Variants in HAPSTR1 observed in about 807,000 individuals in gnomAD.
The protein encoded by HAPSTR1 is HUWE1-associated protein modifying stress responses 1.
chr16:9,091,935 T>G, the HAPSTR1 span: 1 of 922,112 alleles, frequency 1.1e-6, no homozygotes, highest in Non-Finnish European at 1.5e-6. Flanking sequence ...GAAGGCGCCG[T>G]CGGTCGCCAG....
chr16:9,092,891 G>GGTTTTTTTTTTTTTTTTTT, the HAPSTR1 span: 1 of 1,499,784 alleles, frequency 6.7e-7, no homozygotes, highest in East Asian at 2.3e-5. Flanking sequence ...TTTTCTTTTT[G>GGTTTTTTTTTTTTTTTTTT]GTTTTTTTTT....
chr16:9,107,236 A>G, the HAPSTR1 span: 1 of 152,258 alleles, frequency 6.6e-6, no homozygotes, highest in Non-Finnish European at 1.5e-5. Context: ...CCATTGAGCC[A>G]TTCAGCACAT....
chr16:9,093,027 G>A, the HAPSTR1 span: 6 of 1,594,822 alleles, frequency 3.8e-6, no homozygotes, highest in East Asian at 9.0e-5. Context: ...CTGCATTGCC[G>A]ATTCAGGGAA....
the HAPSTR1 span, chr16:9,103,538 C>T: frequency 1.2e-5 from 4 of 335,984 alleles, no homozygotes; most frequent in South Asian, 2.1e-4. Flanking sequence ...TCGCTTTACA[C>T]TTATGTGTTG....
At chr16:9,096,482 C>G in the HAPSTR1 span, among the ~76,000 whole-genome samples, 20 of 152,174 alleles carry the variant, frequency 1.3e-4, no homozygotes, top group Non-Finnish European at 2.1e-4. Context: ...TTTGATACAT[C>G]TTGATGCCAA....
At chr16:9,092,311 C>T in the HAPSTR1 span, 2 of 1,434,476 alleles carry the variant, frequency 1.4e-6, no homozygotes, top group Non-Finnish European at 1.8e-6. Flanking sequence ...TTGGCCGCCC[C>T]CGCCCGGGCC....
the HAPSTR1 span, chr16:9,117,112 A>T: frequency 1.4e-5 from 10 of 711,428 alleles, no homozygotes; most frequent in South Asian, 9.7e-5. Flanking sequence ...TTAAAACTAT[A>T]ATCCTAGCAG....
chr16:9,102,897 G>C, the HAPSTR1 span: 1 of 1,382,212 alleles, frequency 7.2e-7, no homozygotes, highest in Admixed American at 2.1e-5. Flanking sequence ...TATTCACTTT[G>C]GTTAAATTGT....
chr16:9,092,965 C>T, the HAPSTR1 span: 1 of 1,612,086 alleles, frequency 6.2e-7, no homozygotes, highest in Non-Finnish European at 8.5e-7. Flanking sequence ...GGTCCCCTTC[C>T]AAAACGCAGC....
the HAPSTR1 span, among the ~76,000 whole-genome samples, chr16:9,098,599 G>A: frequency 1.3e-5 from 2 of 152,144 alleles, no homozygotes; most frequent in East Asian, 1.9e-4. Flanking sequence ...GTTCTCTTGA[G>A]ATCTTGAGGC....
At chr16:9,092,970 C>T in the HAPSTR1 span, 45 of 1,607,356 alleles carry the variant, frequency 2.8e-5, no homozygotes, top group Non-Finnish European at 3.6e-5. Flanking sequence ...CCTTCCAAAA[C>T]GCAGCCACCG....
the HAPSTR1 span, chr16:9,111,859 G>A: frequency 3.9e-5 from 6 of 151,962 alleles, no homozygotes; most frequent in African/African-American, 1.5e-4. Context: ...TTTTTTCAAT[G>A]TATAAATATT....
chr16:9,093,923 A>G, the HAPSTR1 span, among the ~76,000 whole-genome samples: 1 of 151,992 alleles, frequency 6.6e-6, no homozygotes, highest in Non-Finnish European at 1.5e-5. Flanking sequence ...ATGTTTTCAG[A>G]CTTTTAAAAG....
At chr16:9,110,283 T>G in the HAPSTR1 span, 1 of 151,984 alleles carries the variant, frequency 6.6e-6, no homozygotes, top group African/African-American at 2.4e-5. Flanking sequence ...TAGGGCCGTA[T>G]GAAAAAATCA....
At chr16:9,102,109 C>CA in the HAPSTR1 span, among the ~76,000 whole-genome samples, 1 of 151,782 alleles carries the variant, frequency 6.6e-6, no homozygotes, top group South Asian at 2.1e-4. Context: ...GACTCCGTCT[C>CA]AAAAAATAAA....
chr16:9,102,176 T>G, the HAPSTR1 span, among the ~76,000 whole-genome samples: 39 of 152,360 alleles, frequency 2.6e-4, no homozygotes, highest in South Asian at 7.9e-3. Context: ...ACAGTATTGT[T>G]GCTTTTACGG....
the HAPSTR1 span, chr16:9,092,063 G>C: frequency 6.5e-7 from 1 of 1,529,280 alleles, no homozygotes; most frequent in South Asian, 1.2e-5. Flanking sequence ...GCGGAAGGAG[G>C]AGGGCGAGGC....
the HAPSTR1 span, chr16:9,103,641 G>A: frequency 5.8e-6 from 1 of 171,412 alleles, no homozygotes; most frequent in African/African-American, 2.4e-5. Context: ...AGGCAAGTAA[G>A]GTGGGAAATT....
At chr16:9,093,136 G>A in the HAPSTR1 span, 3 of 892,448 alleles carry the variant, frequency 3.4e-6, no homozygotes, top group African/African-American at 3.4e-5. Context: ...TGAGAATCGC[G>A]GCGGTGCTCT....
Sources: gnomAD v4.1 joint callset for allele counts (sites outside exome capture counted in the v4.1 genomes callset) on GRCh38, gnomAD v4.1.1 for gene constraint, MANE v1.5 for transcripts, NCBI Gene and HGNC (gene_info 2026-07-23, HGNC 2026-07-21) for gene names.